Variants in RUVBL1 observed in about 807,000 individuals in gnomAD.
RUVBL1 encodes ruvB-like 1.
A neutral mutation model predicts 52.4 loss-of-function variants in RUVBL1; 4 were observed. The ratio of observed to expected loss-of-function variants is 0.08; its 90% CI spans 0.04 to 0.17. The LOEUF is 0.17. Among genes scored for constraint, RUVBL1 ranks in the 10% least tolerant of loss-of-function variants. RUVBL1 has a pLI of 1.00. For synonymous variants in RUVBL1, 217 were observed against 214.4 expected, an observed-to-expected ratio of 1.01 and a Z score of -0.10; for missense variants, 298 against 572.8, an observed-to-expected ratio of 0.52 and a Z score of 4.90.
chr3:128,069,157 T>TATC (rs1370412271), intron 9 of RUVBL1, among the ~76,000 whole-genome samples: 1 of 152,238 alleles, frequency 6.6e-6, no homozygotes, highest in Non-Finnish European at 1.5e-5. Flanking sequence ...ATATCCAAAG[T>TATC]ATCATTTCAA....
rs187775666 is a variant in RUVBL1 at position 128,141,675 on chromosome 3, T to C, written c.-40+11528A>G. Among the ~76,000 whole-genome samples the C allele has an allele frequency of 2.9e-3, 441 of 152,284 alleles. 1 individual carries two copies. Among genetic ancestry groups the C allele is most frequent in the Non-Finnish European group, 4.7e-3 (318 of 68,002 alleles). ...CAACACCCAGCTAATTTTTCATTTT[T>C]AGTAGAGACGGGGTTTCACCATATT... On this transcript the variant is annotated intron_variant, in intron 1 of 9. Transcript: ENST00000464873.
At chr3:128,111,024 A>G (rs2107704578) in intron 3 of RUVBL1, among the ~76,000 whole-genome samples, 1 of 152,030 alleles carries the variant, frequency 6.6e-6, no homozygotes, top group Non-Finnish European at 1.5e-5. Context: ...CAGGAAATCA[A>G]GACCATCCTG....
Position 128,081,657 on chromosome 3 carries a change from G to C in RUVBL1, c.1212-248C>G. The C allele has an allele frequency of 2.2e-6, 1 of 465,110 alleles. No homozygotes were observed. The highest frequency in any genetic ancestry group is 3.8e-6 in the Non-Finnish European group (1 of 261,282). The allele number at this position is 465,110 out of a possible 1,614,324, so 28.8% of individuals were successfully genotyped here. A position where few individuals can be genotyped will look rare whatever the true frequency, so the allele number is the denominator to read the frequency against. On this transcript the variant is annotated intron_variant, in intron 10 of 10. Coordinates refer to ENST00000322623, the MANE Select transcript of RUVBL1 (RefSeq NM_003707.3). The surrounding 1 kb of genome is among the most constrained non-coding windows in gnomAD (Gnocchi z 4.8). The stretch of plus-strand genomic sequence containing the variant: ...TGCTATTCCCCAAATCTTTAGTACA[G>C]TCTACAAATCCTCCAGTAGGAAGTA...
intron 8 of RUVBL1, among the ~76,000 whole-genome samples, chr3:128,093,229 A>T (rs1393378963): frequency 2.0e-5 from 3 of 152,274 alleles, no homozygotes; most frequent in Non-Finnish European, 2.9e-5. Flanking sequence ...GAAAGAAGCC[A>T]GTCACAAAAG....
At chr3:128,115,008 A>T (rs1051672265) in intron 2 of RUVBL1, among the ~76,000 whole-genome samples, 1 of 107,254 alleles carries the variant, frequency 9.3e-6, no homozygotes, top group African/African-American at 4.1e-5. Flanking sequence ...ATACTTGGTT[A>T]AAAAAAAAAA....
chr3:128,132,349 T>A (rs1202435146), intron 1 of RUVBL1, among the ~76,000 whole-genome samples: 1 of 152,176 alleles, frequency 6.6e-6, no homozygotes, highest in Non-Finnish European at 1.5e-5. Context: ...ATCTTGGTGC[T>A]CTGCTAGGCT....
intron 3 of RUVBL1, among the ~76,000 whole-genome samples, chr3:128,110,385 T>C (rs1215568579): frequency 1.3e-5 from 2 of 152,118 alleles, no homozygotes; most frequent in Non-Finnish European, 2.9e-5. Flanking sequence ...TAGCCCCAGC[T>C]ACTTGGGAGG....
intron 1 of RUVBL1, among the ~76,000 whole-genome samples, chr3:128,130,797 C>A (rs1377861556): frequency 6.6e-6 from 1 of 151,740 alleles, no homozygotes; most frequent in Non-Finnish European, 1.5e-5. Flanking sequence ...ACTACATGCG[C>A]CTGCCACCAC....
downstream of RUVBL1, among the ~76,000 whole-genome samples, chr3:128,079,493 C>T (rs1942413744): frequency 6.6e-6 from 1 of 152,218 alleles, no homozygotes; most frequent in Non-Finnish European, 1.5e-5. Flanking sequence ...AGAGTGTGAA[C>T]ACAGTCCCTG....
At chr3:128,109,772 G>A (rs928375222) in intron 3 of RUVBL1, among the ~76,000 whole-genome samples, 2 of 147,044 alleles carry the variant, frequency 1.4e-5, no homozygotes, top group Non-Finnish European at 3.0e-5. Context: ...GAGATTACAG[G>A]CACCACCATG....
chr3:128,067,366 G>C lies in RUVBL1; in HGVS notation c.940-2146C>G. ...ATCTGCTCAGAACTATTTTTGCCTTGATGCTAAAGTAAAATGAAGGAGCAC... is the reference window on the plus strand; with the variant it reads ...ATCTGCTCAGAACTATTTTTGCCTTCATGCTAAAGTAAAATGAAGGAGCAC... On this transcript the variant is annotated intron_variant, in intron 9 of 9. Coordinates refer to the RUVBL1 transcript ENST00000464873. This position sits in a 1 kb window ranked among gnomAD's most constrained non-coding sequence, Gnocchi z 4.1. 1 of 1,548,642 alleles carries C rather than the reference G, an allele frequency of 6.5e-7. No homozygotes were observed. Among genetic ancestry groups the C allele is most frequent in the African/African-American group, 1.4e-5 (1 of 72,654 alleles).
At position 128,082,470 on chromosome 3, in the gene RUVBL1, G is replaced by T; in HGVS notation, c.1211+13C>A. The T allele has an allele frequency of 6.2e-7, 1 of 1,610,432 alleles. No homozygotes were observed. Among genetic ancestry groups the T allele is most frequent in the Middle Eastern group, 1.8e-4 (1 of 5,538 alleles). ...GCTGGGGAGGCCCCGGCGGGCCCAG[G>T]GTACCAGCTCACCTCAGTGTGGTCT... On this transcript the variant is annotated intron_variant, in intron 10 of 10. Coordinates refer to ENST00000322623, the MANE Select transcript of RUVBL1 (RefSeq NM_003707.3). This position sits in a 1 kb window ranked among gnomAD's most constrained non-coding sequence, Gnocchi z 4.7.
intron 1 of RUVBL1, among the ~76,000 whole-genome samples, chr3:128,121,976 C>T (rs1943660996): frequency 6.6e-6 from 1 of 152,202 alleles, no homozygotes; most frequent in Non-Finnish European, 1.5e-5. Flanking sequence ...GTCTAACTCT[C>T]ATTTTTCAGG....
intron 9 of RUVBL1, among the ~76,000 whole-genome samples, chr3:128,086,862 C>T (rs1331556163): frequency 6.6e-6 from 1 of 152,230 alleles, no homozygotes; most frequent in Non-Finnish European, 1.5e-5. Context: ...GGATAAAGCC[C>T]ACGCTCATAC....
At chr3:128,118,816 C>T (rs1304772410) in intron 2 of RUVBL1, among the ~76,000 whole-genome samples, 1 of 152,222 alleles carries the variant, frequency 6.6e-6, no homozygotes, top group African/African-American at 2.4e-5. Context: ...CATACTGAGT[C>T]CTCCTGTGCT....
At chr3:128,146,142 G>A (rs1944099757) in intron 1 of RUVBL1, among the ~76,000 whole-genome samples, 1 of 152,152 alleles carries the variant, frequency 6.6e-6, no homozygotes, top group African/African-American at 2.4e-5. Context: ...AGGAGGTGAG[G>A]GGTGAGCCAT....
chr3:128,103,959 G>T (rs780697882), intron 4 of RUVBL1, among the ~76,000 whole-genome samples: 1 of 152,280 alleles, frequency 6.6e-6, no homozygotes, highest in Non-Finnish European at 1.5e-5. Flanking sequence ...AGGCTCTCAC[G>T]ATAACATTAA....
At chr3:128,104,179 G>A (rs149514846) in intron 4 of RUVBL1, among the ~76,000 whole-genome samples, 160 of 152,316 alleles carry the variant, frequency 1.1e-3, no homozygotes, top group African/African-American at 3.7e-3. Context: ...CCATCCTAAA[G>A]ACTTACAGGA....
chr3:128,105,436 A>G (rs1943209419), intron 3 of RUVBL1, among the ~76,000 whole-genome samples: 1 of 152,074 alleles, frequency 6.6e-6, no homozygotes, highest in African/African-American at 2.4e-5. Context: ...GCAACTTTTT[A>G]AGGGAACTTT....
Sources: allele counts gnomAD v4.1 joint callset (sites outside exome capture counted in the v4.1 genomes callset), GRCh38; gene constraint gnomAD v4.1.1; non-coding constraint Gnocchi (gnomAD v3.1); transcripts MANE v1.5; gene names NCBI Gene and HGNC (gene_info 2026-07-23, HGNC 2026-07-21).